The following UTS2B variants were observed in gnomAD, a reference collection of about 807,000 sequenced individuals.
The protein encoded by UTS2B is urotensin 2B, also known as urotensin-2B.
In UTS2B, 21 loss-of-function variants were observed where a neutral mutation model predicts 19.2. The observed-to-expected ratio is 1.09, with a 90% CI of 0.78 to 1.58. The LOEUF is 1.58. UTS2B is among the 40% of genes most tolerant of loss of function. UTS2B has a pLI of 0.00. For missense variants in UTS2B, 138 were observed against 130.3 expected (o/e 1.06, Z -0.29); for synonymous variants, 57 against 50.2 (o/e 1.14, Z -0.58).
intron 1 of UTS2B, chr3:191,329,423 T>C (rs1433270253): frequency 1.4e-5 from 6 of 419,908 alleles, no homozygotes; most frequent in Admixed American, 4.7e-5. Context: ...TTGGTATCGA[T>C]TGGGGCCGGG....
At chr3:191,281,041 T>C (rs912331702) in intron 5 of UTS2B, among the ~76,000 whole-genome samples, 3 of 152,188 alleles carry the variant, frequency 2.0e-5, no homozygotes, top group African/African-American at 7.2e-5. Context: ...CAATTTTATT[T>C]CCTCTGCCAA....
chr3:191,288,946 A>G (rs1443862311), intron 4 of UTS2B, among the ~76,000 whole-genome samples: 1 of 152,226 alleles, frequency 6.6e-6, no homozygotes, highest in Non-Finnish European at 1.5e-5. Flanking sequence ...ACATCAAACT[A>G]AACAGTTTTT....
chr3:191,292,206 A>T (rs1427883319), intron 4 of UTS2B, among the ~76,000 whole-genome samples: 1 of 151,712 alleles, frequency 6.6e-6, no homozygotes, highest in Non-Finnish European at 1.5e-5. Context: ...GAATTTTTCC[A>T]TCTTAAAAAT....
At chr3:191,303,274 T>C (rs1332483368) in intron 4 of UTS2B, among the ~76,000 whole-genome samples, 2 of 147,504 alleles carry the variant, frequency 1.4e-5, no homozygotes, top group African/African-American at 4.9e-5. Context: ...TGTGGTATCT[T>C]TTCTCTTGTT....
intron 4 of UTS2B, among the ~76,000 whole-genome samples, chr3:191,294,065 G>A (rs899440213): frequency 1.8e-4 from 28 of 151,730 alleles, no homozygotes; most frequent in Non-Finnish European, 3.2e-4. Context: ...CCAAGATCGC[G>A]CCATTGCACT....
chr3:191,300,210 T>G (rs1716959203), intron 4 of UTS2B, among the ~76,000 whole-genome samples: 1 of 151,986 alleles, frequency 6.6e-6, no homozygotes. Context: ...CCACCATGCC[T>G]GGCTAATTTT....
intron 2 of UTS2B, among the ~76,000 whole-genome samples, chr3:191,317,371 T>C (rs1416792766): frequency 6.6e-6 from 1 of 152,158 alleles, no homozygotes; most frequent in Non-Finnish European, 1.5e-5. Context: ...CTGGTTCCCG[T>C]CTGCACCTCT....
At position 191,289,474 on chromosome 3, in the gene UTS2B, A is replaced by G. The variant is rs139167757; in HGVS notation, c.-124-7161T>C. Among the ~76,000 whole-genome samples, 23 of 150,882 alleles carry G rather than the reference A, an allele frequency of 1.5e-4. No individual in the cohort carries two copies. The East Asian group carries it at 4.6e-3, about 30-fold the overall frequency. ...AAAAACAAACGAAATTAATATGTTC[A>G]GTGCTCTAACATATTCATCACGGCA... is the stretch of plus-strand genomic sequence containing the variant. On this transcript the variant is annotated intron_variant, in intron 4 of 8. Transcript: ENST00000340524.
chr3:191,335,333 A>C (rs777316695), upstream of UTS2B, among the ~76,000 whole-genome samples: 8 of 152,224 alleles, frequency 5.3e-5, no homozygotes, highest in Admixed American at 1.3e-4. Context: ...AGAGGTAGCC[A>C]CTGGAAGTGC....
chr3:191,273,154 C>T (rs373755880), intron 8 of UTS2B, among the ~76,000 whole-genome samples: 201 of 152,212 alleles, frequency 1.3e-3, no homozygotes, highest in African/African-American at 3.9e-3. Flanking sequence ...GGCTACAGAG[C>T]GAGACTCCGT....
At chr3:191,270,288 C>T (rs1398428191) in intron 8 of UTS2B, among the ~76,000 whole-genome samples, 2 of 152,182 alleles carry the variant, frequency 1.3e-5, no homozygotes, top group East Asian at 3.8e-4. Context: ...CCTCGAACTC[C>T]TTGGCTCAAG....
chr3:191,275,110 G>T, intron 8 of UTS2B, 142 bp downstream of exon 8: 1 of 566,222 alleles, frequency 1.8e-6, no homozygotes, highest in Non-Finnish European at 3.1e-6. Context: ...ACTTTTATTG[G>T]AATATATTTT....
chr3:191,300,121 G>C (rs961620836), intron 4 of UTS2B, among the ~76,000 whole-genome samples: 1 of 151,872 alleles, frequency 6.6e-6, no homozygotes, highest in Admixed American at 6.6e-5. Flanking sequence ...TGCAATCTCG[G>C]CACGCTGCAA....
At chr3:191,307,580 G>A (rs1213230165) in intron 3 of UTS2B, among the ~76,000 whole-genome samples, 1 of 152,114 alleles carries the variant, frequency 6.6e-6, no homozygotes. Context: ...GTTCATGATG[G>A]GTAGGACGTT....
chr3:191,296,647 T>C (rs1716865405), intron 4 of UTS2B, among the ~76,000 whole-genome samples: 1 of 152,256 alleles, frequency 6.6e-6, no homozygotes, highest in African/African-American at 2.4e-5. Flanking sequence ...TGGTTCTGTT[T>C]GTGCTTCCAT....
At position 191,329,947 on chromosome 3, in the gene UTS2B, G is replaced by T. The variant is rs796994464; in HGVS notation, c.-665+467C>A. On this transcript the variant is annotated intron_variant, in intron 1 of 8. Transcript: ENST00000340524. ...TTTTTTCTCAAGGGGGTGGTTGGGG[G>T]GGGGGGGGGCTAGCAGCAGCCCCAG... 2.2e-4 allele frequency among the ~76,000 whole-genome samples: 32 copies of T among 142,684 alleles called. 1 individual carries two copies. The highest frequency in any genetic ancestry group is 4.8e-4 in the African/African-American group (19 of 39,258). The allele number at this position is 142,684 out of a possible 152,430, so 93.6% of individuals were successfully genotyped here. A position where few individuals can be genotyped will look rare whatever the true frequency, so the allele number is the denominator to read the frequency against.
chr3:191,278,174 T>A lies in UTS2B; in HGVS notation c.104-4A>T, dbSNP rs756427949. On this transcript the variant is annotated splice_polypyrimidine_tract_variant and splice_region_variant and intron_variant, in intron 5 of 8. Coordinates refer to ENST00000340524, the MANE Select transcript of UTS2B (RefSeq NM_198152.5). ...TTATCTGGAAATATTTCATTTCCTA[T>A]AATGATCAAAAACCACCATTTTCAA... 1 of 1,470,756 alleles carries A rather than the reference T, an allele frequency of 6.8e-7. No individual in the cohort carries two copies. Among genetic ancestry groups the A allele is most frequent in the Admixed American group, 2.4e-5 (1 of 42,210 alleles). The allele number at this position is 1,470,756 out of a possible 1,614,324, so 91.1% of individuals were successfully genotyped here.
At chr3:191,269,532 G>T (rs1354224650) in intron 8 of UTS2B, among the ~76,000 whole-genome samples, 4 of 150,696 alleles carry the variant, frequency 2.7e-5, no homozygotes, top group Non-Finnish European at 4.4e-5. Context: ...AAAAGATGAG[G>T]CTTCTCACTA....
intron 3 of UTS2B, among the ~76,000 whole-genome samples, chr3:191,309,394 C>T (rs187121765): frequency 1.3e-4 from 20 of 151,820 alleles, no homozygotes; most frequent in African/African-American, 4.8e-4. Flanking sequence ...AGGACGGTCT[C>T]GATCTCCTGA....
Sources: allele counts gnomAD v4.1 joint callset (sites outside exome capture counted in the v4.1 genomes callset), GRCh38; gene constraint gnomAD v4.1.1; transcripts MANE v1.5; gene names NCBI Gene and HGNC (gene_info 2026-07-23, HGNC 2026-07-21).